CDC27: variants seen among roughly 807,000 people sequenced by gnomAD.
CDC27 encodes the protein cell division cycle protein 27 homolog.
Under a neutral mutation model 109.7 loss-of-function variants are expected in CDC27, and 27 were observed. That is an observed-to-expected ratio of 0.25 (90% confidence interval 0.18 to 0.34). The LOEUF (loss-of-function observed/expected upper bound fraction) is 0.34, where lower values mean the gene tolerates loss of function less well. CDC27 is among the 10% of genes least tolerant of loss of function. CDC27 has a pLI of 1.00. For missense variants in CDC27, 579 were observed against 960.2 expected, an observed-to-expected ratio of 0.60 and a Z score of 5.25; for synonymous variants, 266 against 333.9, an observed-to-expected ratio of 0.80 and a Z score of 2.22.
intron 9 of CDC27, among the ~76,000 whole-genome samples, chr17:47,148,242 G>A (rs1369507305): frequency 6.6e-6 from 1 of 150,412 alleles, no homozygotes; most frequent in African/African-American, 2.4e-5. Flanking sequence ...TCAATCTAGA[G>A]ATGAAAGACA....
At position 47,117,833 on chromosome 17, in the gene CDC27, A is replaced by C. The variant is rs779700421; in HGVS notation, c.*3102T>G. On this transcript the variant is annotated 3_prime_UTR_variant, in exon 19 of 19. Coordinates refer to ENST00000066544, the MANE Select transcript of CDC27 (RefSeq NM_001256.6). ...ATAAACATTGCTCTAGTTTTTTGTG[A>C]AACATAAAACTGTATCTCTGTTTTT... 6.6e-6 allele frequency: 1 copy of C among 152,198 alleles called. No individual in the cohort carries two copies. The highest frequency in any genetic ancestry group is 2.4e-5 in the African/African-American group (1 of 41,468). The allele number at this position is 152,198 out of a possible 1,614,324, so 9.4% of individuals were successfully genotyped here.
Position 47,160,418 on chromosome 17 carries a change from G to T in CDC27, c.378-2115C>A, listed in dbSNP as rs183480758. ...ATTTTTATATTTTAGTAGAGATAGG[G>T]TTTCACCAGGTTGGCCAGGCTGTTT... On this transcript the variant is annotated intron_variant, in intron 4 of 18. Coordinates refer to ENST00000066544, the MANE Select transcript of CDC27 (RefSeq NM_001256.6). Among the ~76,000 whole-genome samples the T allele has an allele frequency of 4.0e-3, 601 of 152,080 alleles. 1 individual carries two copies. Among genetic ancestry groups the T allele is most frequent in the Non-Finnish European group, 6.6e-3 (449 of 67,956 alleles).
At chr17:47,138,952 G>A in intron 12 of CDC27, 61 bp from the exon 13 acceptor site, 1 of 1,121,200 alleles carries the variant, frequency 8.9e-7, no homozygotes, top group Non-Finnish European at 1.3e-6. Flanking sequence ...TATACACAGG[G>A]AAAGCCCTGG....
At chr17:47,154,308 T>C (rs1567678888) in intron 8 of CDC27, among the ~76,000 whole-genome samples, 1 of 152,102 alleles carries the variant, frequency 6.6e-6, no homozygotes, top group Admixed American at 6.5e-5. Context: ...GTAAAAACTA[T>C]GGCAGACATA....
At position 47,138,637 on chromosome 17, in the gene CDC27, C is replaced by T. The variant is rs11570538; in HGVS notation, c.1704+102G>A. 370 of 753,448 alleles carry T rather than the reference C, an allele frequency of 4.9e-4. 1 individual carries two copies. In the African/African-American group the frequency reaches 5.8e-3, roughly 12 times the overall value. The allele number at this position is 753,448 out of a possible 1,614,324, so 46.7% of individuals were successfully genotyped here. A position where few individuals can be genotyped will look rare whatever the true frequency, so the allele number is the denominator to read the frequency against. On this transcript the variant is annotated intron_variant, in intron 13 of 18. Transcript: ENST00000066544. ...AGAGAGAGGAAAAAAAAGAAATAAG[C>T]GTGGGTGACACTAAATAGTGTTTGA...
chr17:47,143,167 T>C (rs768085792), intron 10 of CDC27, among the ~76,000 whole-genome samples: 1 of 151,926 alleles, frequency 6.6e-6, no homozygotes, highest in Non-Finnish European at 1.5e-5. Context: ...TCTTGCTATG[T>C]TGACCAGGCT....
chr17:47,124,325 C>T (rs2062071568), intron 16 of CDC27, among the ~76,000 whole-genome samples: 1 of 151,610 alleles, frequency 6.6e-6, no homozygotes, highest in South Asian at 2.1e-4. Context: ...GCTCTGTCGC[C>T]CAGGCTGGAG....
intron 8 of CDC27, among the ~76,000 whole-genome samples, chr17:47,153,258 AG>A: frequency 6.6e-6 from 1 of 152,354 alleles, no homozygotes; most frequent in East Asian, 1.9e-4. Context: ...GAGGCAGAAG[AG>A]GATGAGAGAG....
At chr17:47,162,531 A>G (rs1353614566) in intron 4 of CDC27, among the ~76,000 whole-genome samples, 1 of 152,344 alleles carries the variant, frequency 6.6e-6, no homozygotes, top group South Asian at 2.1e-4. Flanking sequence ...AATGTGATAT[A>G]AAACAGACAT....
chr17:47,128,136 T>C (rs1027844043), intron 16 of CDC27, among the ~76,000 whole-genome samples: 3 of 152,082 alleles, frequency 2.0e-5, no homozygotes, highest in Non-Finnish European at 4.4e-5. Context: ...GTTCAAGTGA[T>C]TCTCGTGCCT....
intron 16 of CDC27, among the ~76,000 whole-genome samples, chr17:47,125,466 G>A (rs776668525): frequency 1.0e-4 from 15 of 149,714 alleles, no homozygotes; most frequent in African/African-American, 2.5e-4. Context: ...AGCTGGTCTC[G>A]AACTTCTGAC....
intron 1 of CDC27, among the ~76,000 whole-genome samples, chr17:47,182,019 C>A (rs2064260135): frequency 1.3e-5 from 2 of 152,188 alleles, no homozygotes. Flanking sequence ...TTTTAAGATA[C>A]CTCTTCTAGT....
At chr17:47,130,987 A>AC (rs1057206612) in intron 15 of CDC27, among the ~76,000 whole-genome samples, 8 of 152,132 alleles carry the variant, frequency 5.3e-5, no homozygotes, top group African/African-American at 1.9e-4. Flanking sequence ...GGTAGTGCCA[A>AC]CGTCTGCTTG....
At chr17:47,127,652 C>T (rs1459539866) in intron 16 of CDC27, among the ~76,000 whole-genome samples, 1 of 152,096 alleles carries the variant, frequency 6.6e-6, no homozygotes, top group East Asian at 1.9e-4. Context: ...CTGCCCGCCC[C>T]AGCCTCCCAA....
chr17:47,173,582 A>G (rs758407702), intron 2 of CDC27, among the ~76,000 whole-genome samples: 12 of 152,228 alleles, frequency 7.9e-5, no homozygotes, highest in Non-Finnish European at 1.5e-4. Context: ...TCCCAGTCAC[A>G]GTAATGCTGT....
At chr17:47,159,742 C>T (rs112799227) in intron 4 of CDC27, 327 of 407,480 alleles carry the variant, frequency 8.0e-4, no homozygotes, top group African/African-American at 5.8e-3. Context: ...GCTTCTGCAC[C>T]GGCATAATCT....
intron 13 of CDC27, among the ~76,000 whole-genome samples, chr17:47,138,060 C>T (rs1435570466): frequency 2.0e-5 from 3 of 152,230 alleles, no homozygotes; most frequent in African/African-American, 7.2e-5. Context: ...CTCAGCCTCC[C>T]GAAGTGCTGG....
chr17:47,128,879 TCCTGCCTCAG>T (rs1335545191), intron 16 of CDC27, among the ~76,000 whole-genome samples: 1 of 151,968 alleles, frequency 6.6e-6, no homozygotes, highest in African/African-American at 2.4e-5. Flanking sequence ...CAAGTGATTC[TCCTGCCTCAG>T]CCTCCCCAGT....
At chr17:47,158,143 A>T in intron 5 of CDC27, 63 bp downstream of exon 5, 1 of 608,408 alleles carries the variant, frequency 1.6e-6, no homozygotes, top group Non-Finnish European at 2.8e-6. Flanking sequence ...TCCAAAAATT[A>T]AGTAGCAGGA....
Sources: allele counts gnomAD v4.1 joint callset (sites outside exome capture counted in the v4.1 genomes callset), GRCh38; gene constraint gnomAD v4.1.1; transcripts MANE v1.5; gene names NCBI Gene and HGNC (gene_info 2026-07-23, HGNC 2026-07-21).